Variants in GLCE observed in about 807,000 individuals in gnomAD.
GLCE encodes glucuronic acid epimerase, also known as D-glucuronyl C5-epimerase.
Under a neutral mutation model 47.9 loss-of-function variants are expected in GLCE, and 19 were observed. The ratio of observed to expected loss-of-function variants is 0.40; its 90% CI spans 0.28 to 0.58. GLCE has a LOEUF of 0.58. GLCE is among the 20% of genes least tolerant of loss of function. GLCE has a pLI of 0.48. For missense variants in GLCE, 556 were observed against 743.3 expected (o/e 0.75, Z 2.93); for synonymous variants, 245 against 263.4 (o/e 0.93, Z 0.68).
intron 3 of GLCE, among the ~76,000 whole-genome samples, chr15:69,260,252 GTTTTTTTTTTT>G (rs34911776): frequency 1.3e-5 from 1 of 79,224 alleles, no homozygotes; most frequent in Non-Finnish European, 2.4e-5. Flanking sequence ...GTCACAACTG[GTTTTTTTTTTT>G]TTTTTTTTTT....
At chr15:69,238,119 A>T (rs1503287) in intron 2 of GLCE, among the ~76,000 whole-genome samples, 5 of 152,202 alleles carry the variant, frequency 3.3e-5, no homozygotes, top group Admixed American at 3.3e-4. Flanking sequence ...ATGGCTTTCA[A>T]TGCTAGAGAA....
At chr15:69,243,110 A>T (rs891488249) in intron 2 of GLCE, among the ~76,000 whole-genome samples, 19 of 151,804 alleles carry the variant, frequency 1.3e-4, no homozygotes, top group African/African-American at 4.6e-4. Flanking sequence ...GAGAAAGGAA[A>T]GAAAAAAAGA....
At chr15:69,221,118 C>T (rs928131917) in intron 2 of GLCE, among the ~76,000 whole-genome samples, 1 of 152,186 alleles carries the variant, frequency 6.6e-6, no homozygotes, top group South Asian at 2.1e-4. Flanking sequence ...TTCCATTGAT[C>T]TATATGTCTA....
At chr15:69,181,338 T>C (rs1238885505) in intron 1 of GLCE, among the ~76,000 whole-genome samples, 1 of 152,196 alleles carries the variant, frequency 6.6e-6, no homozygotes, top group Non-Finnish European at 1.5e-5. Flanking sequence ...ATCAGATGAC[T>C]TCACTAAGGG....
rs1374429980 is a variant in GLCE at position 69,218,375 on chromosome 15, G to A, written c.-14+7969G>A. On this transcript the variant is annotated intron_variant, in intron 2 of 4. Coordinates refer to ENST00000261858, the MANE Select transcript of GLCE (RefSeq NM_015554.3). ...AAAAATACAAAAAAATTGGCTGGGTGTAGTGGTGCATGCCTATAGTCTCAG... is the reference window on the plus strand; with the variant it reads ...AAAAATACAAAAAAATTGGCTGGGTATAGTGGTGCATGCCTATAGTCTCAG... 1.3e-5 allele frequency among the ~76,000 whole-genome samples: 2 copies of A among 152,072 alleles called. 1 individual carries two copies. The highest frequency in any genetic ancestry group is 4.2e-4 in the South Asian group (2 of 4,816).
At chr15:69,203,959 A>G (rs1430594927) in intron 1 of GLCE, among the ~76,000 whole-genome samples, 1 of 152,148 alleles carries the variant, frequency 6.6e-6, no homozygotes, top group Admixed American at 6.6e-5. Context: ...AGGTACATGT[A>G]GGAACCAGAT....
chr15:69,211,678 A>G (rs935490253), intron 2 of GLCE, among the ~76,000 whole-genome samples: 4 of 152,028 alleles, frequency 2.6e-5, no homozygotes, highest in African/African-American at 7.2e-5. Context: ...CATATAAGTT[A>G]GAATTTCCAA....
intron 2 of GLCE, among the ~76,000 whole-genome samples, chr15:69,233,982 G>GT (rs201893518): frequency 0.056 from 7,891 of 141,190 alleles, 387 homozygotes; most frequent in East Asian, 0.25. Flanking sequence ...AGATTTTTTT[G>GT]TTTTTTTTTT....
At chr15:69,206,082 G>T (rs969872288) in intron 1 of GLCE, among the ~76,000 whole-genome samples, 1 of 151,974 alleles carries the variant, frequency 6.6e-6, no homozygotes, top group Non-Finnish European at 1.5e-5. Flanking sequence ...TGTTACATTT[G>T]TTATCTCTCC....
intron 2 of GLCE, among the ~76,000 whole-genome samples, chr15:69,220,082 G>C (rs932855787): frequency 1.8e-4 from 27 of 151,992 alleles, no homozygotes; most frequent in African/African-American, 6.3e-4. Flanking sequence ...AAAATATTTT[G>C]TTGTATGTAT....
At chr15:69,172,128 G>A (rs960816963) in intron 1 of GLCE, among the ~76,000 whole-genome samples, 13 of 151,940 alleles carry the variant, frequency 8.6e-5, no homozygotes, top group African/African-American at 2.9e-4. Context: ...TTTTTAAAAG[G>A]GAATTCAATT....
chr15:69,193,939 T>A (rs564417764), intron 1 of GLCE, among the ~76,000 whole-genome samples: 47 of 152,278 alleles, frequency 3.1e-4, no homozygotes, highest in African/African-American at 1.1e-3. Flanking sequence ...TCTGACCATC[T>A]ATTTTTTTGG....
chr15:69,260,530 G>C (rs544635013), intron 3 of GLCE, among the ~76,000 whole-genome samples: 1 of 152,164 alleles, frequency 6.6e-6, no homozygotes, highest in Non-Finnish European at 1.5e-5. Context: ...AAAGTGCTAG[G>C]ATTACAGGCA....
chr15:69,248,047 A>G (rs1009570330), intron 2 of GLCE, among the ~76,000 whole-genome samples: 1 of 152,218 alleles, frequency 6.6e-6, no homozygotes, highest in Admixed American at 6.5e-5. Context: ...TCCTAGAAAT[A>G]CAATCTTATT....
intron 4 of GLCE, among the ~76,000 whole-genome samples, chr15:69,267,187 CT>C (rs2053098683): frequency 6.6e-6 from 1 of 152,180 alleles, no homozygotes; most frequent in Non-Finnish European, 1.5e-5. Flanking sequence ...GAAATTTTCT[CT>C]TTAATAATTT....
intron 1 of GLCE, among the ~76,000 whole-genome samples, chr15:69,167,338 G>A (rs2140325011): frequency 6.6e-6 from 1 of 152,372 alleles, no homozygotes; most frequent in East Asian, 1.9e-4. Flanking sequence ...TAAAAGTAAT[G>A]TTGAGGATCT....
At chr15:69,263,047 C>T (rs181150521) in intron 4 of GLCE, among the ~76,000 whole-genome samples, 2 of 152,224 alleles carry the variant, frequency 1.3e-5, no homozygotes, top group East Asian at 3.9e-4. Context: ...ATATGCGACC[C>T]ATCATGAGGG....
At chr15:69,222,557 C>T (rs1407821285) in intron 2 of GLCE, among the ~76,000 whole-genome samples, 1 of 152,182 alleles carries the variant, frequency 6.6e-6, no homozygotes, top group Non-Finnish European at 1.5e-5. Context: ...GGGCCTTGAA[C>T]ATATCCTGGC....
chr15:69,206,859 G>C (rs2052159469), intron 1 of GLCE, among the ~76,000 whole-genome samples: 1 of 151,950 alleles, frequency 6.6e-6, no homozygotes, highest in Admixed American at 6.6e-5. Context: ...CTTCTCAGAG[G>C]ATAGAGCTAG....
Sources: allele counts gnomAD v4.1 joint callset (sites outside exome capture counted in the v4.1 genomes callset), GRCh38; gene constraint gnomAD v4.1.1; transcripts MANE v1.5; gene names NCBI Gene and HGNC (gene_info 2026-07-23, HGNC 2026-07-21).